The following PRKCE variants were observed in gnomAD, a reference collection of about 807,000 sequenced individuals.
The protein encoded by PRKCE is protein kinase C epsilon type.
A neutral mutation model predicts 85.4 loss-of-function variants in PRKCE; 16 were observed. The ratio of observed to expected loss-of-function variants is 0.19; its 90% confidence interval spans 0.13 to 0.28. The LOEUF is 0.28. Among genes scored for constraint, PRKCE ranks in the 10% least tolerant of loss-of-function variants. PRKCE has a pLI of 1.00. For missense variants in PRKCE, 573 were observed against 975.2 expected (o/e 0.59, Z 5.49); for synonymous variants, 388 against 371.5 (o/e 1.04, Z -0.51).
chr2:46,022,495 G>A (rs555335100), intron 10 of PRKCE, among the ~76,000 whole-genome samples: 14 of 152,266 alleles, frequency 9.2e-5, no homozygotes, highest in African/African-American at 2.9e-4. Context: ...CTTTCGTAGG[G>A]AGCTTCTACC....
At chr2:45,744,482 TTTC>T (rs1682927203) in intron 1 of PRKCE, among the ~76,000 whole-genome samples, 4 of 56,808 alleles carry the variant, frequency 7.0e-5, no homozygotes, top group African/African-American at 7.5e-5. Flanking sequence ...TCTTTCTTTC[TTTC>T]TTTTTCTTTC....
chr2:45,956,407 C>T (rs1402808553), intron 2 of PRKCE, among the ~76,000 whole-genome samples: 2 of 151,944 alleles, frequency 1.3e-5, no homozygotes, highest in Non-Finnish European at 2.9e-5. Flanking sequence ...AGGCTGGATG[C>T]AGTGGGTCAC....
chr2:45,756,520 C>G (rs186788300), intron 1 of PRKCE, among the ~76,000 whole-genome samples: 1 of 152,170 alleles, frequency 6.6e-6, no homozygotes, highest in African/African-American at 2.4e-5. Context: ...AAGCATTTGT[C>G]CATTCAAAAT....
chr2:45,836,113 G>T (rs985254577), intron 1 of PRKCE, among the ~76,000 whole-genome samples: 1 of 152,150 alleles, frequency 6.6e-6, no homozygotes, highest in Non-Finnish European at 1.5e-5. Context: ...AGTAGTATAA[G>T]CTAAGGCCAT....
At chr2:46,150,575 T>C (rs907368840) in intron 12 of PRKCE, among the ~76,000 whole-genome samples, 1 of 152,196 alleles carries the variant, frequency 6.6e-6, no homozygotes, top group Non-Finnish European at 1.5e-5. Context: ...TGTTGCACCA[T>C]TTAAAGAAGA....
intron 1 of PRKCE, among the ~76,000 whole-genome samples, chr2:45,709,738 C>T (rs1174340910): frequency 1.3e-5 from 2 of 152,186 alleles, no homozygotes; most frequent in Non-Finnish European, 2.9e-5. Context: ...CTCCAGTCCC[C>T]ATCTCTATTC....
rs531532572 is a variant in PRKCE at position 46,016,334 on chromosome 2, T to C, written c.1437+5817T>C. Among the ~76,000 whole-genome samples the C allele has an allele frequency of 9.9e-5, 15 of 152,168 alleles. No homozygotes were observed. In the South Asian group the frequency reaches 2.3e-3, roughly 23 times the overall value. On this transcript the variant is annotated intron_variant, in intron 10 of 14. Coordinates refer to ENST00000306156, the MANE Select transcript of PRKCE (RefSeq NM_005400.3). ...GGGTGTATGTGTGTGGTGGCGTGTG[T>C]CTGTGTAGATGAGCTGGCGGTTCTC...
At chr2:45,979,206 C>G (rs1039090541) in intron 4 of PRKCE, among the ~76,000 whole-genome samples, 196 bp downstream of exon 4, 1 of 152,220 alleles carries the variant, frequency 6.6e-6, no homozygotes. Context: ...TGCCACCTGT[C>G]TCCAGGCGTC....
intron 11 of PRKCE, among the ~76,000 whole-genome samples, chr2:46,118,442 GA>G (rs1558473970): frequency 1.3e-5 from 2 of 152,226 alleles, no homozygotes. Context: ...TGGTGGCTGT[GA>G]AAACACTGCA....
At chr2:46,026,569 A>T (rs552494987) in intron 10 of PRKCE, among the ~76,000 whole-genome samples, 1 of 152,348 alleles carries the variant, frequency 6.6e-6, no homozygotes, top group South Asian at 2.1e-4. Context: ...AACTGGCCAC[A>T]GCTTTCCTAA....
At chr2:46,118,264 C>A (rs989352815) in intron 11 of PRKCE, among the ~76,000 whole-genome samples, 1 of 152,156 alleles carries the variant, frequency 6.6e-6, no homozygotes, top group African/African-American at 2.4e-5. Flanking sequence ...GGAAACCTAC[C>A]TGAAATTCTA....
At chr2:46,003,314 G>T (rs1021542002) in intron 7 of PRKCE, among the ~76,000 whole-genome samples, 1 of 152,216 alleles carries the variant, frequency 6.6e-6, no homozygotes, top group African/African-American at 2.4e-5. Flanking sequence ...CCAAGAGTTA[G>T]TACTAAAAGG....
chr2:46,127,873 G>A (rs1574542872), intron 11 of PRKCE, among the ~76,000 whole-genome samples: 1 of 152,376 alleles, frequency 6.6e-6, no homozygotes, highest in African/African-American at 2.4e-5. Flanking sequence ...ACTGGGGCTG[G>A]ACCACAGCTG....
intron 2 of PRKCE, among the ~76,000 whole-genome samples, chr2:45,880,831 A>C (rs1694825920): frequency 6.6e-6 from 1 of 152,200 alleles, no homozygotes; most frequent in Non-Finnish European, 1.5e-5. Context: ...CGAACTAGAT[A>C]TTAAGGACTC....
chr2:45,848,891 G>T (rs1692012631), intron 2 of PRKCE, among the ~76,000 whole-genome samples: 1 of 152,182 alleles, frequency 6.6e-6, no homozygotes, highest in Admixed American at 6.5e-5. Flanking sequence ...CAAGAAAGAG[G>T]CAAGGCTTGG....
At chr2:45,798,588 A>G (rs1233971519) in intron 1 of PRKCE, among the ~76,000 whole-genome samples, 1 of 152,254 alleles carries the variant, frequency 6.6e-6, no homozygotes, top group Non-Finnish European at 1.5e-5. Context: ...TAAAAAGTGT[A>G]AAGCCAGAGT....
At chr2:45,953,147 C>G (rs1700737583) in intron 2 of PRKCE, among the ~76,000 whole-genome samples, 1 of 152,184 alleles carries the variant, frequency 6.6e-6, no homozygotes, top group Non-Finnish European at 1.5e-5. Context: ...AACCCCCTTC[C>G]CCATGGCCAG....
chr2:45,948,978 G>A (rs1700428192), intron 2 of PRKCE, among the ~76,000 whole-genome samples: 3 of 152,132 alleles, frequency 2.0e-5, no homozygotes, highest in African/African-American at 7.2e-5. Flanking sequence ...TGACAATACA[G>A]TATCACAGTT....
chr2:46,149,059 A>G (rs1676354290), intron 12 of PRKCE, among the ~76,000 whole-genome samples: 1 of 152,252 alleles, frequency 6.6e-6, no homozygotes, highest in Non-Finnish European at 1.5e-5. Flanking sequence ...AGAAGATTCT[A>G]AACTGTGAGT....
Sources: allele counts gnomAD v4.1 joint callset (sites outside exome capture counted in the v4.1 genomes callset), GRCh38; gene constraint gnomAD v4.1.1; transcripts MANE v1.5; gene names NCBI Gene and HGNC (gene_info 2026-07-23, HGNC 2026-07-21).